The following XPR1 variants were observed in gnomAD, a reference collection of about 807,000 sequenced individuals.
XPR1 encodes solute carrier family 53 member 1.
In XPR1, 28 loss-of-function variants were observed where a neutral mutation model predicts 87.5. The observed-to-expected ratio is 0.32, with a 90% CI of 0.24 to 0.44. The LOEUF (loss-of-function observed/expected upper bound fraction) is 0.44. Ranked by LOEUF, XPR1 falls within the 20% of genes least tolerant of loss-of-function variation. The probability of loss-of-function intolerance (pLI) is 1.00; values close to 1 mark genes in which losing one functional copy is unlikely to be tolerated. For missense variants in XPR1, 559 were observed against 862.3 expected, an observed-to-expected ratio of 0.65 and a Z score of 4.41; for synonymous variants, 300 against 306.1, an observed-to-expected ratio of 0.98 and a Z score of 0.21.
chr1:180,694,404 T>A (rs59197802), intron 2 of XPR1, among the ~76,000 whole-genome samples: 6,551 of 152,242 alleles, frequency 0.043, 506 homozygotes, highest in African/African-American at 0.15. Flanking sequence ...GTCAAAGAAA[T>A]ATTCAGGTAT....
At chr1:180,770,264 C>T (rs1648461228) in intron 2 of XPR1, among the ~76,000 whole-genome samples, 1 of 152,148 alleles carries the variant, frequency 6.6e-6, no homozygotes, top group Non-Finnish European at 1.5e-5. Context: ...TTGGCTTAAA[C>T]AGCAGACAGT....
chr1:180,813,039 T>C (rs1051825759), intron 7 of XPR1, among the ~76,000 whole-genome samples: 1,456 of 120,412 alleles, frequency 0.012, 13 homozygotes, highest in African/African-American at 0.018. Flanking sequence ...AGTGTCTTTT[T>C]TCCCCCCCCC....
chr1:180,752,401 A>G (rs1337234271), intron 2 of XPR1, among the ~76,000 whole-genome samples: 1 of 152,212 alleles, frequency 6.6e-6, no homozygotes, highest in Non-Finnish European at 1.5e-5. Context: ...GAAGTTTACC[A>G]TAAAACTGGA....
chr1:180,650,208 A>G (rs1438741560), intron 1 of XPR1, among the ~76,000 whole-genome samples: 1 of 151,736 alleles, frequency 6.6e-6, no homozygotes, highest in East Asian at 1.9e-4. Context: ...GTCATTTTTT[A>G]CTGGAATATT....
chr1:180,877,930 C>T (rs1368298803), intron 13 of XPR1: 1 of 152,154 alleles, frequency 6.6e-6, no homozygotes, highest in East Asian at 1.9e-4. Flanking sequence ...AGGTGTATAA[C>T]ATTCGTCTAA....
At position 180,889,162 on chromosome 1, in the gene XPR1, C is replaced by G. The variant is rs1400438243; in HGVS notation, c.*5096C>G. 1 of 152,206 alleles carries G rather than the reference C, an allele frequency of 6.6e-6. No homozygotes were observed. The highest frequency in any genetic ancestry group is 1.5e-5 in the Non-Finnish European group (1 of 68,016). The allele number at this position is 152,206 out of a possible 1,614,324, so 9.4% of individuals were successfully genotyped here. A position where few individuals can be genotyped will look rare whatever the true frequency, so the allele number is the denominator to read the frequency against. ...GGAGAATCATTATACAACTTTGCAA[C>G]TGAAGTATGTTTCCTTGTAGCAAAC... On this transcript the variant is annotated 3_prime_UTR_variant, in exon 15 of 15. Transcript: ENST00000367590.
intron 2 of XPR1, among the ~76,000 whole-genome samples, chr1:180,778,044 G>C (rs977610445): frequency 2.6e-5 from 4 of 152,082 alleles, no homozygotes; most frequent in African/African-American, 9.7e-5. Context: ...AGTATAACGT[G>C]ATTACAGCTC....
At chr1:180,637,504 T>C (rs182071064) in intron 1 of XPR1, among the ~76,000 whole-genome samples, 2 of 152,302 alleles carry the variant, frequency 1.3e-5, no homozygotes, top group South Asian at 2.1e-4. Context: ...AATAACACTT[T>C]AGTAGACTTG....
intron 1 of XPR1, among the ~76,000 whole-genome samples, chr1:180,672,685 A>G (rs1656221092): frequency 6.6e-6 from 1 of 152,204 alleles, no homozygotes. Context: ...TGGTGAAGTA[A>G]TTTAAAAACA....
intron 1 of XPR1, among the ~76,000 whole-genome samples, chr1:180,659,264 C>A (rs1467263673): frequency 9.7e-6 from 1 of 103,564 alleles, no homozygotes; most frequent in African/African-American, 3.7e-5. Flanking sequence ...CTCCCTCCCT[C>A]CCTCCCTCCC....
At chr1:180,836,495 A>G in intron 10 of XPR1, 27 bp from the exon 11 acceptor site, 1 of 1,612,384 alleles carries the variant, frequency 6.2e-7, no homozygotes, top group East Asian at 2.2e-5. Context: ...TTTCAATGGT[A>G]ATTTTTCTTC....
At chr1:180,819,627 T>A (rs753820182) in intron 7 of XPR1, among the ~76,000 whole-genome samples, 3 of 152,250 alleles carry the variant, frequency 2.0e-5, no homozygotes, top group Non-Finnish European at 4.4e-5. Context: ...GCTATTTCGC[T>A]TTCTTTTATG....
intron 1 of XPR1, among the ~76,000 whole-genome samples, chr1:180,656,365 A>ATTC (rs1557941114): frequency 1.2e-4 from 13 of 108,556 alleles, no homozygotes; most frequent in African/African-American, 4.0e-4. Context: ...TTATATATAT[A>ATTC]ATATTTATAT....
intron 2 of XPR1, among the ~76,000 whole-genome samples, chr1:180,713,072 C>T (rs549894166): frequency 6.6e-6 from 1 of 150,728 alleles, no homozygotes; most frequent in South Asian, 2.1e-4. Context: ...TATTGAATCT[C>T]TAGATAAATT....
intron 2 of XPR1, among the ~76,000 whole-genome samples, chr1:180,730,482 G>A (rs1040351615): frequency 6.6e-6 from 1 of 152,122 alleles, no homozygotes; most frequent in African/African-American, 2.4e-5. Context: ...CCTCCATTAA[G>A]CTTACTGTTT....
intron 12 of XPR1, among the ~76,000 whole-genome samples, chr1:180,866,495 C>T (rs1652395278): frequency 6.6e-6 from 1 of 151,778 alleles, no homozygotes; most frequent in Non-Finnish European, 1.5e-5. Flanking sequence ...TGTATTCCTC[C>T]TGAAAGACTT....
At chr1:180,667,120 G>T (rs1424879215) in intron 1 of XPR1, among the ~76,000 whole-genome samples, 45 of 152,074 alleles carry the variant, frequency 3.0e-4, no homozygotes, top group Admixed American at 2.8e-3. Context: ...TCATTATGTT[G>T]CATGGCCTGG....
intron 2 of XPR1, among the ~76,000 whole-genome samples, chr1:180,688,539 G>A (rs1487254483): frequency 6.6e-6 from 1 of 152,094 alleles, no homozygotes; most frequent in African/African-American, 2.4e-5. Flanking sequence ...ATGTCAGTGA[G>A]TATACTACCT....
At chr1:180,792,313 A>G (rs1337417929) in intron 3 of XPR1, among the ~76,000 whole-genome samples, 3 of 152,222 alleles carry the variant, frequency 2.0e-5, no homozygotes, top group Non-Finnish European at 4.4e-5. Context: ...ACAAATTGCT[A>G]TATTTTATTT....
Sources: gnomAD v4.1 joint callset for allele counts (sites outside exome capture counted in the v4.1 genomes callset) on GRCh38, gnomAD v4.1.1 for gene constraint, MANE v1.5 for transcripts, NCBI Gene and HGNC (gene_info 2026-07-23, HGNC 2026-07-21) for gene names.